Variants in PLD5 observed in about 807,000 individuals in gnomAD.
PLD5 encodes the protein inactive phospholipase D5.
In PLD5, 36 loss-of-function variants were observed where a neutral mutation model predicts 61.1. The observed-to-expected ratio is 0.59, with a 90% CI of 0.45 to 0.78. The LOEUF is 0.78. Ranked by LOEUF, PLD5 falls within the 30% of genes least tolerant of loss-of-function variation. The pLI is 0.00. For synonymous variants in PLD5, 243 were observed against 242.8 expected, an observed-to-expected ratio of 1.00 and a Z score of -0.01; for missense variants, 515 against 644.4, an observed-to-expected ratio of 0.80 and a Z score of 2.17.
chr1:242,185,905 G>A (rs1300852173), intron 5 of PLD5, among the ~76,000 whole-genome samples: 3 of 151,920 alleles, frequency 2.0e-5, no homozygotes, highest in African/African-American at 4.8e-5. Flanking sequence ...GTGGCTTCTC[G>A]ATGACTAATG....
chr1:242,435,225 C>T lies in PLD5; in HGVS notation c.190-86983G>A, dbSNP rs542262993. Among the ~76,000 whole-genome samples the T allele has an allele frequency of 3.9e-5, 6 of 152,036 alleles. No individual in the cohort carries two copies. The South Asian group carries it at 1.2e-3, about 32-fold the overall frequency. ...TTTGTTACCCTAAAATTGATACTCA[C>T]AAGGGCTTTGATGGTCATTTGCAAT... is the stretch of plus-strand genomic sequence containing the variant. On this transcript the variant is annotated intron_variant, in intron 1 of 9. Coordinates refer to ENST00000536534, the MANE Select transcript of PLD5 (RefSeq NM_001372062.1).
chr1:242,500,028 C>A (rs1668503823), intron 1 of PLD5, among the ~76,000 whole-genome samples: 1 of 152,132 alleles, frequency 6.6e-6, no homozygotes, highest in African/African-American at 2.4e-5. Context: ...CTGGCGGACA[C>A]AGGGTCGTCA....
intron 2 of PLD5, among the ~76,000 whole-genome samples, chr1:242,330,565 C>G (rs886852846): frequency 6.6e-6 from 1 of 152,186 alleles, no homozygotes. Context: ...TGATCTCTCA[C>G]ACATTCTTGA....
At chr1:242,120,606 C>T (rs1250997319) in intron 6 of PLD5, among the ~76,000 whole-genome samples, 1 of 152,252 alleles carries the variant, frequency 6.6e-6, no homozygotes, top group East Asian at 1.9e-4. Context: ...TAATGTCAGC[C>T]CTCACTCACT....
intron 2 of PLD5, among the ~76,000 whole-genome samples, chr1:242,289,666 T>G (rs960686486): frequency 6.6e-6 from 1 of 152,182 alleles, no homozygotes; most frequent in Non-Finnish European, 1.5e-5. Context: ...CCTGCAATTC[T>G]TGATGGAAAA....
At chr1:242,265,160 T>C (rs1673591306) in intron 4 of PLD5, among the ~76,000 whole-genome samples, 177 bp downstream of exon 4, 1 of 152,242 alleles carries the variant, frequency 6.6e-6, no homozygotes, top group African/African-American at 2.4e-5. Context: ...AATCCCAATA[T>C]ATTAATTAGT....
At chr1:242,375,810 G>A (rs1171766851) in intron 1 of PLD5, among the ~76,000 whole-genome samples, 1 of 152,106 alleles carries the variant, frequency 6.6e-6, no homozygotes, top group Non-Finnish European at 1.5e-5. Context: ...AAACCCGGGT[G>A]GCTCAGTGCT....
At chr1:242,374,504 G>C (rs772077234) in intron 1 of PLD5, among the ~76,000 whole-genome samples, 3 of 152,088 alleles carry the variant, frequency 2.0e-5, no homozygotes, top group Non-Finnish European at 4.4e-5. Context: ...CTCCCCCAGG[G>C]CTTGTCACAG....
At chr1:242,491,964 C>T (rs1668167357) in intron 1 of PLD5, among the ~76,000 whole-genome samples, 1 of 152,218 alleles carries the variant, frequency 6.6e-6, no homozygotes, top group Non-Finnish European at 1.5e-5. Flanking sequence ...AGACATTTAT[C>T]ACAGGCTTGA....
chr1:242,393,686 A>G lies in PLD5; in HGVS notation c.190-45444T>C, dbSNP rs137908608. ...TGTATATATATGAGTATATATGTGT[A>G]TATATATGAGTATATATGTGTGTAT... On this transcript the variant is annotated intron_variant, in intron 1 of 9. Transcript: ENST00000536534. 2.1e-3 allele frequency among the ~76,000 whole-genome samples: 189 copies of G among 91,074 alleles called. 5 individuals are homozygous for G. The highest frequency in any genetic ancestry group is 7.5e-3 in the East Asian group (28 of 3,728). 59.7% of individuals were successfully genotyped at this position (91,074 alleles called of 152,430 possible).
At chr1:242,226,567 G>C (rs1670956904) in intron 4 of PLD5, among the ~76,000 whole-genome samples, 1 of 152,182 alleles carries the variant, frequency 6.6e-6, no homozygotes, top group African/African-American at 2.4e-5. Context: ...ACAAGGCTAA[G>C]GTTCAGAACT....
intron 5 of PLD5, among the ~76,000 whole-genome samples, chr1:242,166,848 A>G (rs571050085): frequency 4.6e-5 from 7 of 152,262 alleles, no homozygotes; most frequent in African/African-American, 1.7e-4. Flanking sequence ...ATCCTTCTTT[A>G]AAATTCACAG....
At chr1:242,419,478 C>T (rs1665018547) in intron 1 of PLD5, among the ~76,000 whole-genome samples, 1 of 150,626 alleles carries the variant, frequency 6.6e-6, no homozygotes, top group Non-Finnish European at 1.5e-5. Context: ...TCATGGCAAC[C>T]TCCACCTCCC....
At chr1:242,318,077 T>G (rs1314283826) in intron 2 of PLD5, among the ~76,000 whole-genome samples, 1 of 152,102 alleles carries the variant, frequency 6.6e-6, no homozygotes, top group African/African-American at 2.4e-5. Context: ...AATAGGAACA[T>G]TGGAATATTT....
chr1:242,395,035 ATGTATATG>A (rs1371752806), intron 1 of PLD5, among the ~76,000 whole-genome samples: 14 of 61,400 alleles, frequency 2.3e-4, no homozygotes, highest in African/African-American at 1.0e-3. Context: ...GTATATATGA[ATGTATATG>A]TATATATGAA....
At position 242,256,018 on chromosome 1, in the gene PLD5, T is replaced by G. The variant is rs1423392797; in HGVS notation, c.607+9319A>C. On this transcript the variant is annotated intron_variant, in intron 4 of 9. Coordinates refer to ENST00000536534, the MANE Select transcript of PLD5 (RefSeq NM_001372062.1). The surrounding 1 kb of genome is among the most constrained non-coding windows in gnomAD (Gnocchi z 5.7). ...CCTAAAGATGCCCAGCCAGGGCTTA[T>G]TAGGTCCCTGTGGCTATTGGTTATT... 1.3e-5 allele frequency among the ~76,000 whole-genome samples: 2 copies of G among 152,260 alleles called. No individual in the cohort carries two copies. Among genetic ancestry groups the G allele is most frequent in the African/African-American group, 4.8e-5 (2 of 41,472 alleles).
chr1:242,459,521 C>A (rs1252735071), intron 1 of PLD5, among the ~76,000 whole-genome samples: 1 of 152,102 alleles, frequency 6.6e-6, no homozygotes, highest in Non-Finnish European at 1.5e-5. Flanking sequence ...TTGTGATCAG[C>A]GCCAAGCTAT....
chr1:242,319,058 C>T (rs967462194), intron 2 of PLD5, among the ~76,000 whole-genome samples: 3 of 152,064 alleles, frequency 2.0e-5, no homozygotes, highest in African/African-American at 7.2e-5. Flanking sequence ...TCCAGAGAAG[C>T]CCTCCTCGAA....
chr1:242,142,714 TTCTCTCTCTCTC>T (rs35627694), intron 5 of PLD5, among the ~76,000 whole-genome samples: 2 of 90,046 alleles, frequency 2.2e-5, no homozygotes, highest in East Asian at 2.4e-4. Flanking sequence ...AGCTGTGTCT[TTCTCTCTCTCTC>T]TCTCTCTCTC....
Sources: allele counts gnomAD v4.1 joint callset (sites outside exome capture counted in the v4.1 genomes callset), GRCh38; gene constraint gnomAD v4.1.1; non-coding constraint Gnocchi (gnomAD v3.1); transcripts MANE v1.5; gene names NCBI Gene and HGNC (gene_info 2026-07-23, HGNC 2026-07-21).